The following GDNF variants were observed in gnomAD, a reference collection of about 807,000 sequenced individuals.
GDNF encodes glial cell line-derived neurotrophic factor.
In GDNF, 5 loss-of-function variants were observed where a neutral mutation model predicts 13.7. That is an observed-to-expected ratio of 0.36 (90% CI 0.19 to 0.77). The LOEUF (loss-of-function observed/expected upper bound fraction) is 0.77, where lower values mean the gene tolerates loss of function less well. Ranked by LOEUF, GDNF falls within the 30% of genes least tolerant of loss-of-function variation. The probability of loss-of-function intolerance (pLI) is 0.51; values close to 1 mark genes in which losing one functional copy is unlikely to be tolerated. For synonymous variants in GDNF, 122 were observed against 112.5 expected, an observed-to-expected ratio of 1.08 and a Z score of -0.53; for missense variants, 246 against 274.3, an observed-to-expected ratio of 0.90 and a Z score of 0.73.
intron 2 of GDNF, among the ~76,000 whole-genome samples, chr5:37,819,954 T>A (rs554221288): frequency 6.6e-6 from 1 of 152,102 alleles, no homozygotes; most frequent in Non-Finnish European, 1.5e-5. Flanking sequence ...TAAATACAGA[T>A]GTGCCCAGTT....
intron 1 of GDNF, chr5:37,835,594 TC>T (rs1188296510): frequency 1.3e-6 from 2 of 1,528,990 alleles, no homozygotes; most frequent in Non-Finnish European, 1.8e-6. Flanking sequence ...CATGACAAGC[TC>T]TAGCGGAACA....
intron 1 of GDNF, among the ~76,000 whole-genome samples, chr5:37,836,599 T>C (rs1348824831): frequency 1.3e-5 from 2 of 152,166 alleles, no homozygotes; most frequent in African/African-American, 4.8e-5. Context: ...CACCAGGCCA[T>C]GCAAAATGAG....
intron 2 of GDNF, among the ~76,000 whole-genome samples, chr5:37,833,453 T>G (rs551339695): frequency 1.3e-5 from 2 of 152,330 alleles, no homozygotes; most frequent in South Asian, 4.1e-4. Flanking sequence ...ATTTGCCTTA[T>G]AAAAAAATCC....
At chr5:37,835,680 T>C (rs1750679506) in intron 1 of GDNF, 1 of 1,548,978 alleles carries the variant, frequency 6.5e-7, no homozygotes, top group South Asian at 1.2e-5. Flanking sequence ...GTTTTAATCC[T>C]CCGTGGTATA....
chr5:37,818,367 A>G (rs1018085689), intron 2 of GDNF, among the ~76,000 whole-genome samples: 1 of 152,116 alleles, frequency 6.6e-6, no homozygotes, highest in Non-Finnish European at 1.5e-5. Context: ...ATGAGACCTG[A>G]TTGTTTTATA....
intron 1 of GDNF, 71 bp from the exon 2 acceptor site, chr5:37,834,893 C>T (rs1750650236): frequency 8.5e-6 from 12 of 1,410,614 alleles, no homozygotes; most frequent in Non-Finnish European, 1.2e-5. Flanking sequence ...CCTGCGGGTC[C>T]CTGCGCCCCT....
chr5:37,835,553 C>T (rs1750675070), intron 1 of GDNF: 1 of 1,474,972 alleles, frequency 6.8e-7, no homozygotes, highest in Admixed American at 2.0e-5. Context: ...ATACTCCTCC[C>T]ACCTCTTAAA....
At chr5:37,835,424 C>A in intron 1 of GDNF, 1 of 1,427,286 alleles carries the variant, frequency 7.0e-7, no homozygotes, top group Non-Finnish European at 9.1e-7. Context: ...TCATTCTTCC[C>A]ACCTAAATAG....
Position 37,838,443 on chromosome 5 carries a change from C to T in GDNF, c.-27+1064G>A, listed in dbSNP as rs1337179741. Among the ~76,000 whole-genome samples the T allele has an allele frequency of 1.3e-5, 2 of 152,210 alleles. No individual in the cohort carries two copies. Among genetic ancestry groups the T allele is most frequent in the Non-Finnish European group, 1.5e-5 (1 of 68,042 alleles). On this transcript the variant is annotated intron_variant, in intron 1 of 2. Coordinates refer to ENST00000326524, the MANE Select transcript of GDNF (RefSeq NM_000514.4). The surrounding 1 kb of genome is among the most constrained non-coding windows in gnomAD (Gnocchi z 4.1). The stretch of plus-strand genomic sequence containing the variant: ...CCTTGAAATACCTAAGCATATATTC[C>T]AAACACTGAGCAAGAGTCGAGCGCG...
rs1474678323 is a variant in GDNF at position 37,838,312 on chromosome 5, C to T, written c.-27+1195G>A. On this transcript the variant is annotated intron_variant, in intron 1 of 2. Coordinates refer to ENST00000326524, the MANE Select transcript of GDNF (RefSeq NM_000514.4). The surrounding 1 kb of genome is among the most constrained non-coding windows in gnomAD (Gnocchi z 4.1). ...TTACTTGTTGAAAAGGCGCCACCTT[C>T]CCTGACAAAGCGAAGGCGCAGCGAA... 6.6e-6 allele frequency among the ~76,000 whole-genome samples: 1 copy of T among 152,210 alleles called. No individual in the cohort carries two copies.
intron 1 of GDNF, among the ~76,000 whole-genome samples, chr5:37,836,086 A>T (rs1220914648): frequency 6.6e-6 from 1 of 152,156 alleles, no homozygotes; most frequent in Non-Finnish European, 1.5e-5. Flanking sequence ...GTTCGTCTCC[A>T]GGGCACTAGT....
At chr5:37,833,941 A>AGACT (rs1247703153) in intron 2 of GDNF, among the ~76,000 whole-genome samples, 1 of 152,250 alleles carries the variant, frequency 6.6e-6, no homozygotes, top group East Asian at 1.9e-4. Context: ...GGTAAATCAC[A>AGACT]GACTTATTTT....
At chr5:37,833,381 T>A (rs1398152159) in intron 2 of GDNF, among the ~76,000 whole-genome samples, 1 of 152,268 alleles carries the variant, frequency 6.6e-6, no homozygotes, top group South Asian at 2.1e-4. Flanking sequence ...CAGACACTCT[T>A]GGAACAGGTA....
rs1471702368 is a variant in GDNF, at chr5:37,838,252, G to A, written c.-27+1255C>T. On this transcript the variant is annotated intron_variant, in intron 1 of 2. Transcript: ENST00000326524. This position sits in a 1 kb window ranked among gnomAD's most constrained non-coding sequence, Gnocchi z 4.1. ...CCGAATTGCTAGCGGGAAAGGGCTA[G>A]GGACACGGCGGACTTCCCAGAGATC... Among the ~76,000 whole-genome samples, 8 of 152,128 alleles carry A rather than the reference G, an allele frequency of 5.3e-5. No individual in the cohort carries two copies. The highest frequency in any genetic ancestry group is 3.9e-4 in the Admixed American group (6 of 15,274).
rs1750828222 is a variant in GDNF, at chr5:37,839,709, C to CGCT, written c.-230_-229insAGC. The CGCT allele has an allele frequency of 6.6e-6, 1 of 152,236 alleles. No individual in the cohort carries two copies. Among genetic ancestry groups the CGCT allele is most frequent in the Admixed American group, 6.5e-5 (1 of 15,278 alleles). 9.4% of individuals were successfully genotyped at this position (152,236 alleles called of 1,614,324 possible). A position where few individuals can be genotyped will look rare whatever the true frequency, so the allele number is the denominator to read the frequency against. On this transcript the variant is annotated 5_prime_UTR_variant, in exon 1 of 3. Coordinates refer to ENST00000326524, the MANE Select transcript of GDNF (RefSeq NM_000514.4). The surrounding 1 kb of genome is among the most constrained non-coding windows in gnomAD (Gnocchi z 5.5). ...CCAAGACTCCCGCCGCCGCCGCCGC[C>CGCT]AACAGGGCGAGGGCTGCCGGCAACT...
At chr5:37,834,531 G>T in intron 2 of GDNF, 115 bp downstream of exon 2, 1 of 998,860 alleles carries the variant, frequency 1.0e-6, no homozygotes, top group African/African-American at 1.7e-5. Context: ...CTTGCCCACG[G>T]GTCGGTAGGC....
chr5:37,835,752 C>A lies in GDNF; in HGVS notation c.-26-930G>T, dbSNP rs930598405. 82 of 1,081,638 alleles carry A rather than the reference C, an allele frequency of 7.6e-5. No individual in the cohort carries two copies. The African/African-American group carries it at 1.2e-3, about 16-fold the overall frequency. The allele number at this position is 1,081,638 out of a possible 1,614,324, so 67.0% of individuals were successfully genotyped here. A position where few individuals can be genotyped will look rare whatever the true frequency, so the allele number is the denominator to read the frequency against. ...TGAGAGATTCTGGCCCTAATCCCTTCCCCTCCCAGAGGAGTCACTGGCTCC... is the reference window on the plus strand; with the variant it reads ...TGAGAGATTCTGGCCCTAATCCCTTACCCTCCCAGAGGAGTCACTGGCTCC... On this transcript the variant is annotated intron_variant, in intron 1 of 2. Coordinates refer to ENST00000326524, the MANE Select transcript of GDNF (RefSeq NM_000514.4).
intron 2 of GDNF, among the ~76,000 whole-genome samples, chr5:37,820,771 A>T (rs1026347566): frequency 7.9e-5 from 12 of 152,156 alleles, no homozygotes; most frequent in African/African-American, 2.4e-4. Flanking sequence ...TATTATTATT[A>T]TTTTTTAAAG....
intron 2 of GDNF, among the ~76,000 whole-genome samples, chr5:37,818,363 C>A (rs891002755): frequency 3.9e-5 from 6 of 152,150 alleles, no homozygotes; most frequent in African/African-American, 9.7e-5. Flanking sequence ...TCTCATGAGA[C>A]CTGATTGTTT....
Sources: allele counts gnomAD v4.1 joint callset (sites outside exome capture counted in the v4.1 genomes callset), GRCh38; gene constraint gnomAD v4.1.1; non-coding constraint Gnocchi (gnomAD v3.1); transcripts MANE v1.5; gene names NCBI Gene and HGNC (gene_info 2026-07-23, HGNC 2026-07-21).